ECM2: variants seen among roughly 807,000 people sequenced by gnomAD.
The protein encoded by ECM2 is extracellular matrix protein 2, also known as extracellular matrix protein 2, female organ and adipocyte specific.
Under a neutral mutation model 67.5 loss-of-function variants are expected in ECM2, and 57 were observed. That is an observed-to-expected ratio of 0.84 (90% CI 0.68 to 1.05). The LOEUF (loss-of-function observed/expected upper bound fraction) is 1.05. Ranked by LOEUF, ECM2 falls within the 50% of genes least tolerant of loss-of-function variation. The pLI is 0.00. For missense variants in ECM2, 741 were observed against 822.8 expected, an observed-to-expected ratio of 0.90 and a Z score of 1.22; for synonymous variants, 258 against 294.5, an observed-to-expected ratio of 0.88 and a Z score of 1.27.
the ECM2 span, among the ~76,000 whole-genome samples, chr9:92,543,650 T>C: frequency 2.6e-5 from 4 of 152,176 alleles, no homozygotes; most frequent in Non-Finnish European, 5.9e-5. Flanking sequence ...AGTATAGTCA[T>C]TCTAACAATA....
chr9:92,512,560 A>G (rs1847418993), intron 4 of ECM2, among the ~76,000 whole-genome samples: 1 of 151,960 alleles, frequency 6.6e-6, no homozygotes, highest in South Asian at 2.1e-4. Flanking sequence ...CATGCCAATC[A>G]CTCACCTCCT....
intron 2 of ECM2, among the ~76,000 whole-genome samples, chr9:92,520,086 G>A (rs945972512): frequency 1.1e-5 from 1 of 89,862 alleles, no homozygotes; most frequent in Non-Finnish European, 2.2e-5. Flanking sequence ...ATTTGAGAAC[G>A]GCTTGGACAA....
chr9:92,533,721 C>G (rs189850092), intron 1 of ECM2, among the ~76,000 whole-genome samples: 2 of 152,118 alleles, frequency 1.3e-5, no homozygotes, highest in African/African-American at 4.8e-5. Flanking sequence ...TTGTAAAATT[C>G]TGTGCTCTTA....
intron 1 of ECM2, among the ~76,000 whole-genome samples, chr9:92,533,320 A>ATATATATGT (rs1563991340): frequency 6.5e-5 from 6 of 92,470 alleles, no homozygotes; most frequent in African/African-American, 2.6e-4. Flanking sequence ...AAAAAAAAAA[A>ATATATATGT]AAAAAAAAAT....
In ECM2 at chr9:92,517,888, A is replaced by T; in HGVS notation, c.293-13T>A. On this transcript the variant is annotated splice_polypyrimidine_tract_variant and intron_variant, in intron 2 of 9. Transcript: ENST00000344604. ...TGTCCCTTCTTTCCTAGAAGAAAAC[A>T]AAAGCACAAATTTAAATTTCTTATG... 1 of 1,613,232 alleles carries T rather than the reference A, an allele frequency of 6.2e-7. No homozygotes were observed. Among genetic ancestry groups the T allele is most frequent in the Non-Finnish European group, 8.5e-7 (1 of 1,179,554 alleles).
At position 92,496,104 on chromosome 9, in the gene ECM2, T is replaced by C; in HGVS notation, c.*211A>G. The C allele has an allele frequency of 3.4e-6, 4 of 1,185,860 alleles. No homozygotes were observed. The South Asian group carries it at 8.0e-5, about 24-fold the overall frequency. The allele number at this position is 1,185,860 out of a possible 1,614,324, so 73.5% of individuals were successfully genotyped here. A position where few individuals can be genotyped will look rare whatever the true frequency, so the allele number is the denominator to read the frequency against. ...TGGCCTCTTTCTAGAGGTAGGAAAC[T>C]GAGAGATTTTACCTTTACTATTAAT... On this transcript the variant is annotated 3_prime_UTR_variant, in exon 10 of 10. Coordinates refer to ENST00000344604, the MANE Select transcript of ECM2 (RefSeq NM_001393.4).
At chr9:92,507,722 C>T (rs1043904924) in intron 6 of ECM2, among the ~76,000 whole-genome samples, 2 of 152,180 alleles carry the variant, frequency 1.3e-5, no homozygotes, top group African/African-American at 4.8e-5. Flanking sequence ...TTAGTGACAA[C>T]AAAAATGCTT....
intron 6 of ECM2, among the ~76,000 whole-genome samples, chr9:92,506,418 G>A (rs1847011084): frequency 6.6e-6 from 1 of 152,180 alleles, no homozygotes; most frequent in South Asian, 2.1e-4. Context: ...AGTCTCAGGA[G>A]TGGTATGATC....
chr9:92,551,989 A>G, the ECM2 span, among the ~76,000 whole-genome samples: 2 of 125,838 alleles, frequency 1.6e-5, no homozygotes, highest in Non-Finnish European at 1.7e-5. Flanking sequence ...GTGTGTATAT[A>G]TGTGATATAT....
Position 92,512,087 on chromosome 9 carries a change from C to T in ECM2, c.1094G>A (p.Gly365Glu). The change falls in exon 5 of 10, where the codon GGA (glycine) becomes GAA (glutamate). Residue 365 changes from glycine to glutamate, a missense_variant. By Grantham distance (98) the Gly-to-Glu change is moderately conservative. Coordinates refer to ENST00000344604, the MANE Select transcript of ECM2 (RefSeq NM_001393.4). ...ATCAAGCCTTTCCAAATTTGGTAAT[C>T]CATTAAATGCTTCATCTGGGATGGA... ...IASIPDEAFN[G>E]LPNLERLDLS... 1.2e-6 allele frequency: 2 copies of T among 1,613,754 alleles called. No homozygotes were observed. Among genetic ancestry groups the T allele is most frequent in the East Asian group, 2.2e-5 (1 of 44,844 alleles).
chr9:92,541,959 A>G, the ECM2 span, among the ~76,000 whole-genome samples: 1 of 152,012 alleles, frequency 6.6e-6, no homozygotes, highest in Non-Finnish European at 1.5e-5. Flanking sequence ...GCACCCAGCT[A>G]ATTTTTGTAT....
chr9:92,544,234 G>C, the ECM2 span, among the ~76,000 whole-genome samples: 2 of 152,242 alleles, frequency 1.3e-5, no homozygotes, highest in African/African-American at 4.8e-5. Context: ...CCAGCACTTT[G>C]GGAGGCTGAG....
chr9:92,528,641 A>G (rs764092634), intron 1 of ECM2, among the ~76,000 whole-genome samples: 1 of 152,256 alleles, frequency 6.6e-6, no homozygotes, highest in Non-Finnish European at 1.5e-5. Context: ...AAACCTTACA[A>G]TTCACAGGGC....
chr9:92,509,084 A>G (rs1847181586), intron 6 of ECM2, among the ~76,000 whole-genome samples: 1 of 151,650 alleles, frequency 6.6e-6, no homozygotes. Context: ...GCTGTCTAGC[A>G]CAGTCCCGAA....
At chr9:92,541,888 G>C in the ECM2 span, among the ~76,000 whole-genome samples, 3 of 152,060 alleles carry the variant, frequency 2.0e-5, no homozygotes, top group Admixed American at 6.5e-5. Context: ...CCGCCTCCCA[G>C]GTTCAAGTGA....
chr9:92,554,384 T>C, the ECM2 span, among the ~76,000 whole-genome samples: 1 of 152,152 alleles, frequency 6.6e-6, no homozygotes, highest in Admixed American at 6.5e-5. Context: ...GGTTTCACCA[T>C]TTTGGTCAGG....
intron 1 of ECM2, among the ~76,000 whole-genome samples, chr9:92,530,521 A>G (rs933155653): frequency 2.6e-5 from 4 of 152,210 alleles, no homozygotes; most frequent in Admixed American, 6.5e-5. Flanking sequence ...AATACTATTA[A>G]CCTATTTGTT....
At chr9:92,501,270 T>C (rs1846655731) in intron 8 of ECM2, among the ~76,000 whole-genome samples, 1 of 152,088 alleles carries the variant, frequency 6.6e-6, no homozygotes, top group Non-Finnish European at 1.5e-5. Context: ...CTCCCAGCTA[T>C]GTGAGTCCAT....
intron 2 of ECM2, among the ~76,000 whole-genome samples, chr9:92,518,778 AC>A (rs1020389364): frequency 6.6e-6 from 1 of 152,168 alleles, no homozygotes; most frequent in African/African-American, 2.4e-5. Flanking sequence ...AGTCCCAGCT[AC>A]TCAGAAAGCT....
Sources: allele counts gnomAD v4.1 joint callset (sites outside exome capture counted in the v4.1 genomes callset), GRCh38; gene constraint gnomAD v4.1.1; transcripts MANE v1.5; gene names NCBI Gene and HGNC (gene_info 2026-07-23, HGNC 2026-07-21).